DDAH1: variants seen among roughly 807,000 people sequenced by gnomAD.
DDAH1 encodes the protein N(G),N(G)-dimethylarginine dimethylaminohydrolase 1.
A neutral mutation model predicts 28.8 loss-of-function variants in DDAH1; 19 were observed. The observed-to-expected ratio is 0.66, with a 90% CI of 0.46 to 0.97. The LOEUF is 0.97. Among genes scored for constraint, DDAH1 ranks in the 50% least tolerant of loss-of-function variants. The pLI, the probability that DDAH1 is intolerant of heterozygous loss-of-function variation, is 0.00. For synonymous variants in DDAH1, 153 were observed against 154.4 expected, an observed-to-expected ratio of 0.99 and a Z score of 0.07; for missense variants, 326 against 375.9, an observed-to-expected ratio of 0.87 and a Z score of 1.10.
At chr1:85,551,014 G>T (rs1444735060) in intron 1 of DDAH1, among the ~76,000 whole-genome samples, 2 of 152,196 alleles carry the variant, frequency 1.3e-5, no homozygotes, top group African/African-American at 4.8e-5. Context: ...ATTCTTCAGG[G>T]CTTAGTCTAT....
chr1:85,404,364 G>C (rs570973176), intron 1 of DDAH1: 21 of 1,534,934 alleles, frequency 1.4e-5, no homozygotes, highest in African/African-American at 1.4e-4. Context: ...GTACTGCTAA[G>C]CTTCATTTGT....
chr1:85,499,639 C>T (rs1456774523), intron 1 of DDAH1, among the ~76,000 whole-genome samples: 1 of 150,568 alleles, frequency 6.6e-6, no homozygotes, highest in East Asian at 1.9e-4. Context: ...CGCACCACTG[C>T]ACTCCAGCAA....
chr1:85,552,607 C>A (rs1287713811), intron 1 of DDAH1, among the ~76,000 whole-genome samples: 1 of 152,146 alleles, frequency 6.6e-6, no homozygotes, highest in Non-Finnish European at 1.5e-5. Context: ...CCAGCTAAGA[C>A]CCATGAACTC....
chr1:85,408,795 T>C (rs2100592061), intron 1 of DDAH1, among the ~76,000 whole-genome samples: 1 of 152,234 alleles, frequency 6.6e-6, no homozygotes, highest in Non-Finnish European at 1.5e-5. Flanking sequence ...CCAGAGGCAA[T>C]GAATGGGCTT....
At chr1:85,404,279 T>C in intron 1 of DDAH1, 1 of 1,165,638 alleles carries the variant, frequency 8.6e-7, no homozygotes, top group Non-Finnish European at 1.2e-6. Flanking sequence ...CACCAGTTCA[T>C]ATTGACCCAT....
rs144260593 is a variant in DDAH1, at chr1:85,458,322, T to A, written c.303+6421A>T. The stretch of plus-strand genomic sequence containing the variant: ...GTCTGGTGATTTATTCCTTTCTATG[T>A]GATGCTACTGCTCCTTCAGCAGCAT... On this transcript the variant is annotated intron_variant, in intron 1 of 5. Transcript: ENST00000284031. Among the ~76,000 whole-genome samples, 791 of 152,238 alleles carry A rather than the reference T, an allele frequency of 5.2e-3. 7 individuals carry two copies. Among genetic ancestry groups the A allele is most frequent in the African/African-American group, 0.017 (724 of 41,534 alleles).
At chr1:85,571,653 A>G (rs1047662838) in intron 1 of DDAH1, among the ~76,000 whole-genome samples, 24 of 152,174 alleles carry the variant, frequency 1.6e-4, no homozygotes, top group African/African-American at 5.5e-4. Flanking sequence ...TGAATCATCT[A>G]TCTTCTGGGT....
chr1:85,437,735 A>G (rs766862975), intron 1 of DDAH1, among the ~76,000 whole-genome samples: 1 of 152,204 alleles, frequency 6.6e-6, no homozygotes, highest in Non-Finnish European at 1.5e-5. Context: ...AATCTCTTAA[A>G]TGTTCAATGT....
intron 2 of DDAH1, among the ~76,000 whole-genome samples, chr1:85,472,893 C>T (rs761129640): frequency 5.3e-5 from 8 of 152,036 alleles, no homozygotes; most frequent in Non-Finnish European, 8.8e-5. Flanking sequence ...TTTTGGAGTC[C>T]GCAGTTTCTG....
At chr1:85,561,812 A>G (rs1277590172) in intron 1 of DDAH1, among the ~76,000 whole-genome samples, 1 of 152,198 alleles carries the variant, frequency 6.6e-6, no homozygotes, top group East Asian at 1.9e-4. Context: ...AGGAAGGTCA[A>G]CTTAGAACGT....
rs999021775 is a variant in DDAH1 at position 85,491,795 on chromosome 1, G to C, written c.-7+4371C>G. 2.0e-5 allele frequency among the ~76,000 whole-genome samples: 3 copies of C among 152,180 alleles called. 1 individual carries two copies. Among genetic ancestry groups the C allele is most frequent in the Admixed American group, 1.3e-4 (2 of 15,270 alleles). On this transcript the variant is annotated intron_variant, in intron 2 of 6. Coordinates refer to the DDAH1 transcript ENST00000426972. ...TGTCAGTGTTTTTTCTGTATCTTTT[G>C]CTTGTGTACTTTGTACTCTATACCA...
chr1:85,441,438 G>A (rs1367423180), intron 1 of DDAH1, among the ~76,000 whole-genome samples: 2 of 152,134 alleles, frequency 1.3e-5, no homozygotes, highest in Non-Finnish European at 2.9e-5. Flanking sequence ...CTACTCGGGA[G>A]GCTGAGGTAG....
intron 1 of DDAH1, among the ~76,000 whole-genome samples, chr1:85,461,522 A>C (rs916005578): frequency 6.6e-5 from 10 of 152,212 alleles, no homozygotes; most frequent in African/African-American, 2.4e-4. Context: ...GGGACAGGGA[A>C]AGGGAGAAGA....
At chr1:85,493,402 A>C (rs1656472020) in intron 2 of DDAH1, 1 of 152,168 alleles carries the variant, frequency 6.6e-6, no homozygotes, top group Non-Finnish European at 1.5e-5. Flanking sequence ...AATAATTAAT[A>C]AAATCACCAC....
At chr1:85,406,545 TATAGA>T (rs1652412532) in intron 1 of DDAH1, among the ~76,000 whole-genome samples, 1 of 152,118 alleles carries the variant, frequency 6.6e-6, no homozygotes, top group African/African-American at 2.4e-5. Flanking sequence ...GAAGGATACA[TATAGA>T]ATATACATTT....
intron 2 of DDAH1, among the ~76,000 whole-genome samples, chr1:85,358,157 A>T (rs1371526558): frequency 3.9e-5 from 6 of 152,246 alleles, no homozygotes; most frequent in Non-Finnish European, 5.9e-5. Context: ...AAGTAGAAGC[A>T]AGATACAAAG....
At chr1:85,475,870 G>A (rs574542814) in intron 2 of DDAH1, among the ~76,000 whole-genome samples, 12 of 152,058 alleles carry the variant, frequency 7.9e-5, no homozygotes, top group South Asian at 2.1e-4. Context: ...TGGTTTTTTC[G>A]AGACATGGTC....
rs1376027025 is a variant in DDAH1, at chr1:85,465,087, C to T, written c.-42G>A. ...GGGGCGGCGGCGGCGGCGGAGGCGG[C>T]CGGGTCCTGCCGCGGGCAGCGCGCG... On this transcript the variant is annotated 5_prime_UTR_variant, in exon 1 of 6. Transcript: ENST00000284031. The T allele has an allele frequency of 8.3e-6, 10 of 1,205,688 alleles. No individual in the cohort carries two copies. In the South Asian group the frequency reaches 2.9e-4, roughly 35 times the overall value. 74.7% of individuals were successfully genotyped at this position (1,205,688 alleles called of 1,614,324 possible).
intron 1 of DDAH1, among the ~76,000 whole-genome samples, chr1:85,459,050 T>G (rs1655019770): frequency 6.6e-6 from 1 of 152,176 alleles, no homozygotes; most frequent in Non-Finnish European, 1.5e-5. Flanking sequence ...TTGAGAATCA[T>G]AAGATGCCAC....
Sources: allele counts gnomAD v4.1 joint callset (sites outside exome capture counted in the v4.1 genomes callset), GRCh38; gene constraint gnomAD v4.1.1; transcripts MANE v1.5; gene names NCBI Gene and HGNC (gene_info 2026-07-23, HGNC 2026-07-21).